The following TCEA3 variants were observed in gnomAD, a reference collection of about 807,000 sequenced individuals.
TCEA3 encodes the protein transcription elongation factor A protein 3.
Under a neutral mutation model 44.0 loss-of-function variants are expected in TCEA3, and 36 were observed. That is an observed-to-expected ratio of 0.82 (90% CI 0.63 to 1.08). The LOEUF (loss-of-function observed/expected upper bound fraction) is 1.08. TCEA3 is among the 50% of genes least tolerant of loss of function. The pLI is 0.00. For missense variants in TCEA3, 392 were observed against 441.2 expected, an observed-to-expected ratio of 0.89 and a Z score of 1.00; for synonymous variants, 162 against 159.7, an observed-to-expected ratio of 1.01 and a Z score of -0.11.
At chr1:23,411,787 C>G (rs1214948885) in intron 4 of TCEA3, among the ~76,000 whole-genome samples, 1 of 152,222 alleles carries the variant, frequency 6.6e-6, no homozygotes, top group Admixed American at 6.5e-5. Context: ...TACTATTACT[C>G]CTTTCCCTGA....
At chr1:23,408,441 T>C (rs1172840379) in intron 5 of TCEA3, 3 of 482,788 alleles carry the variant, frequency 6.2e-6, no homozygotes, top group East Asian at 6.6e-5. Context: ...GAATACATGA[T>C]GAATTGAAGA....
At chr1:23,398,623 A>G (rs1639290466) in intron 5 of TCEA3, among the ~76,000 whole-genome samples, 1 of 152,210 alleles carries the variant, frequency 6.6e-6, no homozygotes, top group Non-Finnish European at 1.5e-5. Flanking sequence ...CAGTCCCAGG[A>G]GGTATACTCT....
At chr1:23,416,803 A>G (rs6682786) in intron 4 of TCEA3, among the ~76,000 whole-genome samples, 8,560 of 152,246 alleles carry the variant, frequency 0.056, 487 homozygotes, top group East Asian at 0.23. Flanking sequence ...AATGAATCTT[A>G]TAAGTGGCTA....
chr1:23,400,988 C>A (rs997965802), intron 5 of TCEA3, among the ~76,000 whole-genome samples: 3 of 152,202 alleles, frequency 2.0e-5, no homozygotes, highest in African/African-American at 4.8e-5. Flanking sequence ...CTGACAAAGT[C>A]TCTCAGGCCC....
Position 23,393,994 on chromosome 1 carries a change from C to T in TCEA3, c.704G>A (p.Arg235Gln), listed in dbSNP as rs747251283. The change falls in exon 8 of 11, where the codon CGG (arginine) becomes CAG (glutamine). Residue 235 changes from arginine (R) to glutamine (Q), a missense_variant. Coordinates refer to ENST00000450454, the MANE Select transcript of TCEA3 (RefSeq NM_003196.3). ...QELKSTDMKY[R>Q]NRVRSRISNL... ...GCTTATGCGGCTGCGCACGCGGTTC[C>T]GGTACTTCATGTCCGTGCTCTTGAG... is the stretch of plus-strand genomic sequence containing the variant. 35 of 1,613,860 alleles carry T rather than the reference C, an allele frequency of 2.2e-5. No homozygotes were observed. The highest frequency in any genetic ancestry group is 8.0e-5 in the African/African-American group (6 of 74,934).
intron 8 of TCEA3, among the ~76,000 whole-genome samples, chr1:23,391,128 C>CT (rs1324969146): frequency 2.7e-5 from 4 of 146,776 alleles, no homozygotes; most frequent in Non-Finnish European, 6.0e-5. Flanking sequence ...GTTTTTTTTT[C>CT]TTTTTTTCTT....
chr1:23,391,392 G>C (rs954556539), intron 8 of TCEA3, among the ~76,000 whole-genome samples: 1 of 150,616 alleles, frequency 6.6e-6, no homozygotes, highest in Non-Finnish European at 1.5e-5. Context: ...GCCACCTCAC[G>C]TGGCCTGTTG....
At chr1:23,411,827 G>A (rs112063802) in intron 4 of TCEA3, among the ~76,000 whole-genome samples, 1 of 152,188 alleles carries the variant, frequency 6.6e-6, no homozygotes, top group East Asian at 1.9e-4. Context: ...TTTTACAAAT[G>A]TCTGTATTTA....
At chr1:23,384,535 C>G in intron 9 of TCEA3, 118 bp from the exon 10 acceptor site, 2 of 1,021,404 alleles carry the variant, frequency 2.0e-6, no homozygotes, top group South Asian at 1.7e-5. Flanking sequence ...TTCCCACCCC[C>G]CGCTGGCAAT....
rs1027568753 is a variant in TCEA3, at chr1:23,424,616, C to T, written c.18G>A (p.Glu6=). 1.2e-6 allele frequency: 2 copies of T among 1,608,106 alleles called. No homozygotes were observed. The highest frequency in any genetic ancestry group is 4.5e-5 in the East Asian group (2 of 44,554). MGQEE[E]LLRIAKKLEK... ...CCAGCTTTTTGGCGATCCTCAGCAG[C>T]TCCTCTTCCTGGCCCATGTTGGCCC... Residue 6 remains glutamate, a synonymous_variant, in exon 1 of 11, where the codon GAG becomes GAA. Transcript: ENST00000450454.
intron 8 of TCEA3, among the ~76,000 whole-genome samples, chr1:23,390,862 C>T (rs142240680): frequency 5.8e-4 from 89 of 152,212 alleles, no homozygotes; most frequent in African/African-American, 2.0e-3. Flanking sequence ...CTGTGAATGC[C>T]GGTTCTCAGG....
intron 4 of TCEA3, among the ~76,000 whole-genome samples, chr1:23,415,223 A>T (rs1006805005): frequency 6.6e-6 from 1 of 151,810 alleles, no homozygotes; most frequent in Non-Finnish European, 1.5e-5. Context: ...GGGTTTCACC[A>T]TCTTGGCCAG....
Position 23,384,410 on chromosome 1 carries a change from G to A in TCEA3, c.974C>T (p.Thr325Ile), listed in dbSNP as rs1558016214. 2 of 1,612,856 alleles carry A rather than the reference G, an allele frequency of 1.2e-6. No homozygotes were observed. Among genetic ancestry groups the A allele is most frequent in the South Asian group, 1.1e-5 (1 of 90,736 alleles). ...AGTCATGGGCTCATCAGCACTGCGT[G>A]TCTGCACCTGAGAGAGAGAAGAACC... ...KKNCTYNQVQ[T>I]RSADEPMTTF... Residue 325 changes from threonine to isoleucine, a missense_variant, in exon 10 of 11, where the codon ACA becomes ATA. Transcript: ENST00000450454.
intron 1 of TCEA3, among the ~76,000 whole-genome samples, chr1:23,421,311 A>G (rs1458826956): frequency 2.6e-5 from 4 of 152,186 alleles, no homozygotes; most frequent in Admixed American, 2.0e-4. Flanking sequence ...GAGAGAGGTT[A>G]AATAATTTTC....
chr1:23,387,537 G>C, intron 8 of TCEA3, 118 bp from the exon 9 acceptor site: 1 of 1,230,486 alleles, frequency 8.1e-7, no homozygotes, highest in Non-Finnish European at 1.1e-6. Context: ...ACTGCAAGGA[G>C]CTGGAAGGAG....
intron 5 of TCEA3, among the ~76,000 whole-genome samples, chr1:23,404,825 GTGTGGTGGTGTGCACC>G (rs1639497738): frequency 6.6e-6 from 1 of 152,106 alleles, no homozygotes; most frequent in African/African-American, 2.4e-5. Flanking sequence ...AGTTAGCTGG[GTGTGGTGGTGTGCACC>G]TGTGGTCCTA....
At chr1:23,404,732 G>A (rs1422959489) in intron 5 of TCEA3, among the ~76,000 whole-genome samples, 3 of 152,082 alleles carry the variant, frequency 2.0e-5, no homozygotes, top group African/African-American at 7.2e-5. Flanking sequence ...GTTGAGGCAG[G>A]AGGATTTCTT....
intron 5 of TCEA3, chr1:23,403,854 C>A (rs1639466111): frequency 2.0e-6 from 1 of 510,252 alleles, no homozygotes; most frequent in Non-Finnish European, 3.6e-6. Context: ...CTGGTCCCGC[C>A]TCCCCGGTTA....
intron 9 of TCEA3, among the ~76,000 whole-genome samples, chr1:23,385,770 C>T (rs768037631): frequency 6.6e-6 from 1 of 152,238 alleles, no homozygotes; most frequent in Non-Finnish European, 1.5e-5. Flanking sequence ...TTCCCAAGTT[C>T]CCCATGCCAG....
Sources: allele counts gnomAD v4.1 joint callset (sites outside exome capture counted in the v4.1 genomes callset), GRCh38; gene constraint gnomAD v4.1.1; transcripts MANE v1.5; gene names NCBI Gene and HGNC (gene_info 2026-07-23, HGNC 2026-07-21).